Variants in TLE1 observed in about 807,000 individuals in gnomAD.
TLE1 encodes transducin-like enhancer protein 1.
Under a neutral mutation model 89.8 loss-of-function variants are expected in TLE1, and 21 were observed. The observed-to-expected ratio is 0.23, with a 90% CI of 0.17 to 0.34. The LOEUF (loss-of-function observed/expected upper bound fraction) is 0.34. TLE1 is among the 10% of genes least tolerant of loss of function. The pLI is 1.00. For synonymous variants in TLE1, 447 were observed against 407.6 expected, an observed-to-expected ratio of 1.10 and a Z score of -1.16; for missense variants, 795 against 1,031.2, an observed-to-expected ratio of 0.77 and a Z score of 3.14.
rs536365853 is a variant in TLE1, at chr9:81,688,078, G to A, written c.24+139C>T. On this transcript the variant is annotated intron_variant, in intron 1 of 19. Transcript: ENST00000376499. ...CCCACTCCCCACCCCAGGAAGAGAG[G>A]GCCCCAGACCTCCCCAGCCTTACAC... 2.2e-4 allele frequency: 234 copies of A among 1,077,958 alleles called. No homozygotes were observed. The African/African-American group carries it at 2.9e-3, about 13-fold the overall frequency. 66.8% of individuals were successfully genotyped at this position (1,077,958 alleles called of 1,614,324 possible). A position where few individuals can be genotyped will look rare whatever the true frequency, so the allele number is the denominator to read the frequency against.
intron 9 of TLE1, among the ~76,000 whole-genome samples, chr9:81,617,948 C>A (rs1824759639): frequency 6.6e-6 from 1 of 152,084 alleles, no homozygotes. Context: ...TCGCTTGAAC[C>A]TGGGAGGTGG....
chr9:81,682,557 C>T (rs1833764169), intron 4 of TLE1, among the ~76,000 whole-genome samples: 1 of 152,178 alleles, frequency 6.6e-6, no homozygotes, highest in Non-Finnish European at 1.5e-5. Context: ...TTTATGTGTG[C>T]ATTTACAGTA....
intron 14 of TLE1, among the ~76,000 whole-genome samples, chr9:81,605,183 G>A (rs1236140747): frequency 6.6e-5 from 10 of 152,120 alleles, no homozygotes; most frequent in African/African-American, 1.9e-4. Flanking sequence ...TTAACGCCTT[G>A]TTCACTCTAT....
At chr9:81,638,980 G>A (rs1827754636) in intron 6 of TLE1, among the ~76,000 whole-genome samples, 1 of 152,042 alleles carries the variant, frequency 6.6e-6, no homozygotes, top group Admixed American at 6.6e-5. Flanking sequence ...CTGGAGTGCA[G>A]CAGTGCAATC....
chr9:81,662,981 G>A (rs1831006030), intron 4 of TLE1, among the ~76,000 whole-genome samples: 1 of 151,958 alleles, frequency 6.6e-6, no homozygotes, highest in Non-Finnish European at 1.5e-5. Flanking sequence ...CCGAGTGGCT[G>A]GGACTACAGG....
chr9:81,670,727 TA>T (rs57800121), intron 4 of TLE1, among the ~76,000 whole-genome samples: 3 of 147,374 alleles, frequency 2.0e-5, no homozygotes, highest in East Asian at 2.0e-4. Context: ...AAAAAAAAAT[TA>T]AAAAAAAAAA....
Position 81,642,553 on chromosome 9 carries a change from G to T in TLE1, c.373-8252C>A, listed in dbSNP as rs577019523. ...CTTAAAAAAAAAAAAAATTAGCCAG[G>T]CATGGTGGTGGGTGCCTATAATCCC... On this transcript the variant is annotated intron_variant, in intron 6 of 19. Coordinates refer to ENST00000376499, the MANE Select transcript of TLE1 (RefSeq NM_005077.5). Among the ~76,000 whole-genome samples, 7 of 151,396 alleles carry T rather than the reference G, an allele frequency of 4.6e-5. No individual in the cohort carries two copies. In the East Asian group the frequency reaches 7.8e-4, roughly 17 times the overall value.
intron 4 of TLE1, among the ~76,000 whole-genome samples, chr9:81,679,546 C>T (rs956876936): frequency 6.6e-6 from 1 of 152,054 alleles, no homozygotes; most frequent in Non-Finnish European, 1.5e-5. Flanking sequence ...CCCACACCTG[C>T]GCATCCTAGT....
chr9:81,584,205 A>G lies in TLE1; in HGVS notation c.2306T>C (p.Ile769Thr). The change falls in exon 20 of 20, where the codon ATC becomes ACC. Residue 769 changes from isoleucine (I) to threonine (T), a missense_variant. By Grantham distance (89) the Ile-to-Thr change is moderately conservative. Transcript: ENST00000376499. ...GDKKATVYEV[I>T]Y Reference sequence around the variant, plus strand: ...TTAAACCACATAATGTTTTCAGTAGATGACTTCATAGACTGTAGCCTTCTT... The same window carrying G: ...TTAAACCACATAATGTTTTCAGTAGGTGACTTCATAGACTGTAGCCTTCTT... The G allele has an allele frequency of 6.2e-7, 1 of 1,613,692 alleles. No individual in the cohort carries two copies. Among genetic ancestry groups the G allele is most frequent in the Non-Finnish European group, 8.5e-7 (1 of 1,179,556 alleles).
chr9:81,624,280 A>G (rs1825654252), intron 8 of TLE1, among the ~76,000 whole-genome samples: 1 of 152,140 alleles, frequency 6.6e-6, no homozygotes, highest in South Asian at 2.1e-4. Flanking sequence ...TTTAAACTCT[A>G]CTTTAAAATG....
chr9:81,674,689 T>C lies in TLE1; in HGVS notation c.234+10987A>G, dbSNP rs562500042. Among the ~76,000 whole-genome samples the C allele has an allele frequency of 9.2e-5, 14 of 152,318 alleles. 1 individual carries two copies. In the Middle Eastern group the frequency reaches 0.01, roughly 111 times the overall value. On this transcript the variant is annotated intron_variant, in intron 4 of 19. Transcript: ENST00000376499. ...GGGTCAGAACAAAGAGAGGAGGACT[T>C]TGTAAGGGGAGTCCAGCTTTTCTGC...
chr9:81,655,213 A>C (rs1219146737), intron 4 of TLE1, among the ~76,000 whole-genome samples: 1 of 151,818 alleles, frequency 6.6e-6, no homozygotes, highest in East Asian at 1.9e-4. Context: ...AAAATACAAA[A>C]ATTAGCCGGG....
intron 6 of TLE1, 115 bp downstream of exon 6, chr9:81,652,099 G>A (rs1409708490): frequency 1.6e-5 from 12 of 766,848 alleles, no homozygotes; most frequent in East Asian, 3.2e-5. Flanking sequence ...ATAGGTCAAC[G>A]TTAAGATACA....
At chr9:81,681,560 AAAAG>A (rs200747710) in intron 4 of TLE1, among the ~76,000 whole-genome samples, 3,718 of 151,416 alleles carry the variant, frequency 0.025, 160 homozygotes, top group African/African-American at 0.085. Flanking sequence ...GCAAAAAAAA[AAAAG>A]AAAAAAAATT....
At chr9:81,613,578 A>T (rs1259626157) in intron 11 of TLE1, 57 bp from the exon 12 acceptor site, 16 of 1,586,122 alleles carry the variant, frequency 1.0e-5, no homozygotes, top group Non-Finnish European at 1.4e-5. Context: ...CATATTACAC[A>T]ATTTATCACA....
intron 4 of TLE1, among the ~76,000 whole-genome samples, chr9:81,661,975 T>C (rs1830854009): frequency 6.6e-6 from 1 of 152,188 alleles, no homozygotes; most frequent in Non-Finnish European, 1.5e-5. Context: ...GGCAATGTGT[T>C]TCAAGAGCAT....
chr9:81,659,457 CA>C (rs968631046), intron 4 of TLE1, among the ~76,000 whole-genome samples: 3 of 152,254 alleles, frequency 2.0e-5, no homozygotes, highest in Admixed American at 2.0e-4. Context: ...CTGTGTAAGG[CA>C]ACAACAATAA....
intron 6 of TLE1, among the ~76,000 whole-genome samples, chr9:81,641,639 T>C (rs546806097): frequency 3.1e-4 from 47 of 152,260 alleles, no homozygotes; most frequent in Admixed American, 8.5e-4. Context: ...CAGACATTTC[T>C]CAAAGAAGAC....
intron 8 of TLE1, among the ~76,000 whole-genome samples, chr9:81,631,611 C>T (rs1166724961): frequency 6.6e-6 from 1 of 152,206 alleles, no homozygotes; most frequent in Non-Finnish European, 1.5e-5. Flanking sequence ...ATATGGTATG[C>T]ACTCAATGAA....
Sources: gnomAD v4.1 joint callset for allele counts (sites outside exome capture counted in the v4.1 genomes callset) on GRCh38, gnomAD v4.1.1 for gene constraint, MANE v1.5 for transcripts, NCBI Gene and HGNC (gene_info 2026-07-23, HGNC 2026-07-21) for gene names.